The following PARP4 variants were observed in gnomAD, a reference collection of about 807,000 sequenced individuals.
PARP4 encodes poly(ADP-ribose) polymerase family member 4, also known as protein mono-ADP-ribosyltransferase PARP4.
In PARP4, 120 loss-of-function variants were observed where a neutral mutation model predicts 187.7. The ratio of observed to expected loss-of-function variants is 0.64; its 90% CI spans 0.55 to 0.74. The LOEUF (loss-of-function observed/expected upper bound fraction) is 0.74. PARP4 is among the 30% of genes least tolerant of loss of function. PARP4 has a pLI of 0.00. For synonymous variants in PARP4, 654 were observed against 740.9 expected (o/e 0.88, Z 1.90); for missense variants, 1,836 against 2,070.5 (o/e 0.89, Z 2.20).
intron 1 of PARP4, among the ~76,000 whole-genome samples, chr13:24,509,534 A>C (rs147004932): frequency 1.3e-5 from 2 of 151,948 alleles, no homozygotes; most frequent in East Asian, 3.9e-4. Context: ...AAATTACTAA[A>C]TTGTACAATT....
Position 24,459,107 on chromosome 13 carries a change from C to T in PARP4, c.2361G>A (p.Met787Ile), listed in dbSNP as rs1002922572. Residue 787 changes from methionine to isoleucine, a missense_variant, in exon 20 of 34, where the codon ATG becomes ATA. Coordinates refer to ENST00000381989, the MANE Select transcript of PARP4 (RefSeq NM_006437.4). ...IGTKQSFSLT[M>I]SIEMPYVIEF... ...CAATCACATACGGCATCTCAATAGA[C>T]ATAGTCAAAGAGAAGCTAGCAAAAA... 1.2e-6 allele frequency: 2 copies of T among 1,608,280 alleles called. No individual in the cohort carries two copies. The highest frequency in any genetic ancestry group is 1.7e-6 in the Non-Finnish European group (2 of 1,176,252).
In PARP4 at chr13:24,500,393, A is replaced by G; in HGVS notation, c.335-11T>C. The G allele has an allele frequency of 6.3e-7, 1 of 1,580,916 alleles. No individual in the cohort carries two copies. Among genetic ancestry groups the G allele is most frequent in the Non-Finnish European group, 8.6e-7 (1 of 1,156,204 alleles). ...CTTCTGTTTTCACTTCTAGAATTAA[A>G]AGCAAACAGCACACTTGTTTACTGC... On this transcript the variant is annotated splice_polypyrimidine_tract_variant and intron_variant, in intron 3 of 33. Transcript: ENST00000381989.
intron 9 of PARP4, 55 bp downstream of exon 9, chr13:24,492,366 C>T (rs1278703764): frequency 1.6e-6 from 2 of 1,237,290 alleles, no homozygotes; most frequent in Non-Finnish European, 2.3e-6. Context: ...TTTCTAAAGA[C>T]CCCCACCCTC....
chr13:24,456,752 T>A (rs1871877665), intron 20 of PARP4, among the ~76,000 whole-genome samples: 1 of 151,868 alleles, frequency 6.6e-6, no homozygotes, highest in African/African-American at 2.4e-5. Flanking sequence ...TACAAAAAAT[T>A]AGCTGGGCGT....
chr13:24,507,066 T>C (rs1156775882), intron 1 of PARP4, among the ~76,000 whole-genome samples: 2 of 151,882 alleles, frequency 1.3e-5, no homozygotes, highest in Non-Finnish European at 2.9e-5. Flanking sequence ...AGCCCCTCAC[T>C]GTCCGGGGCC....
intron 31 of PARP4, among the ~76,000 whole-genome samples, chr13:24,433,684 T>C (rs1870459320): frequency 6.6e-6 from 1 of 152,148 alleles, no homozygotes; most frequent in Admixed American, 6.5e-5. Context: ...CTCTGTGAAG[T>C]AGACACTATC....
At chr13:24,482,309 A>G (rs1212975636) in intron 12 of PARP4, among the ~76,000 whole-genome samples, 1 of 152,182 alleles carries the variant, frequency 6.6e-6, no homozygotes, top group Non-Finnish European at 1.5e-5. Context: ...AGGATTTTGA[A>G]TATCACATAA....
intron 20 of PARP4, 33 bp downstream of exon 20, chr13:24,459,011 T>A (rs1872041275): frequency 7.1e-7 from 1 of 1,417,154 alleles, no homozygotes; most frequent in African/African-American, 1.4e-5. Flanking sequence ...AGTGTTAAAA[T>A]AACAGCTCTT....
chr13:24,465,701 C>T (rs1262746317), intron 17 of PARP4, among the ~76,000 whole-genome samples: 1 of 151,840 alleles, frequency 6.6e-6, no homozygotes, highest in Non-Finnish European at 1.5e-5. Flanking sequence ...TTGATAGGTG[C>T]AGCAAACCAC....
At chr13:24,506,295 G>A (rs898234163) in intron 1 of PARP4, among the ~76,000 whole-genome samples, 1 of 152,164 alleles carries the variant, frequency 6.6e-6, no homozygotes, top group African/African-American at 2.4e-5. Flanking sequence ...CAGGAGTGAA[G>A]CTGCAGACCT....
At chr13:24,485,919 A>G (rs2137522871) in intron 11 of PARP4, among the ~76,000 whole-genome samples, 1 of 152,264 alleles carries the variant, frequency 6.6e-6, no homozygotes, top group South Asian at 2.1e-4. Context: ...CCTGGCCTCA[A>G]GTGATCCTTC....
chr13:24,499,968 A>C (rs1869180376), intron 4 of PARP4, among the ~76,000 whole-genome samples: 1 of 152,154 alleles, frequency 6.6e-6, no homozygotes, highest in African/African-American at 2.4e-5. Flanking sequence ...CATTTTTGAA[A>C]ACATCAGGCA....
chr13:24,500,793 T>G (rs982789974), intron 3 of PARP4, among the ~76,000 whole-genome samples: 4 of 152,214 alleles, frequency 2.6e-5, no homozygotes, highest in Admixed American at 2.6e-4. Flanking sequence ...TGCTTCATAC[T>G]TTCTGTACAG....
At chr13:24,468,021 G>C (rs376836124) in intron 17 of PARP4, among the ~76,000 whole-genome samples, 3 of 152,018 alleles carry the variant, frequency 2.0e-5, no homozygotes, top group African/African-American at 4.8e-5. Flanking sequence ...TATTAATCTT[G>C]AATGTGCCCC....
At chr13:24,461,166 T>C (rs757364428) in intron 17 of PARP4, among the ~76,000 whole-genome samples, 1 of 152,132 alleles carries the variant, frequency 6.6e-6, no homozygotes, top group Non-Finnish European at 1.5e-5. Flanking sequence ...ATCATGAAAA[T>C]TTTGTATATT....
At chr13:24,438,662 CGTGGCT>C (rs1380082001) in intron 30 of PARP4, among the ~76,000 whole-genome samples, 7 of 152,190 alleles carry the variant, frequency 4.6e-5, no homozygotes, top group Non-Finnish European at 8.8e-5. Flanking sequence ...TAAGCCCAGG[CGTGGCT>C]GTGGGAGGAC....
chr13:24,456,403 C>T lies in PARP4; in HGVS notation c.2500G>A (p.Gly834Ser), dbSNP rs779291142. The change falls in exon 21 of 34, where the codon GGT (glycine) becomes AGT (serine). Residue 834 changes from glycine to serine, a missense_variant. By Grantham distance (56) the Gly-to-Ser change is moderately conservative. Transcript: ENST00000381989. The stretch of plus-strand genomic sequence containing the variant: ...CTTGGGAGATAGGCAGCAGACAAAC[C>T]GATGTGGAGAGAAAATCCACTGCTG... ...LDSSGFSLHI[G>S]LSAAYLPRMW... 20 of 1,612,024 alleles carry T rather than the reference C, an allele frequency of 1.2e-5. No homozygotes were observed. Among genetic ancestry groups the T allele is most frequent in the African/African-American group, 5.3e-5 (4 of 74,874 alleles).
rs759202040 is a variant in PARP4 at position 24,460,001 on chromosome 13, G to A, written c.2269C>T (p.Gln757Ter). The change falls in exon 18 of 34, where the codon CAG (glutamine) becomes TAG (stop). Residue 757 changes from glutamine (Q) to a stop codon, truncating the protein, a stop_gained. Coordinates refer to ENST00000381989, the MANE Select transcript of PARP4 (RefSeq NM_006437.4). LOFTEE classifies it high-confidence loss of function. The stretch of plus-strand genomic sequence containing the variant: ...AGGTTTTCATTCAAAGCCTTGTCCT[G>A]TTGCCAGGGTGCTACGGTGGCGGGC... Reference protein sequence around the residue: ...FMPATVAPWQQDKALNENLQD... With the variant: ...FMPATVAPWQ 3.1e-6 allele frequency: 5 copies of A among 1,613,910 alleles called. No homozygotes were observed. Among genetic ancestry groups the A allele is most frequent in the East Asian group, 2.2e-5 (1 of 44,890 alleles).
chr13:24,466,384 G>A (rs1872473008), intron 17 of PARP4, among the ~76,000 whole-genome samples: 1 of 151,908 alleles, frequency 6.6e-6, no homozygotes, highest in Non-Finnish European at 1.5e-5. Context: ...GTTTCACCAT[G>A]TTGCCCAAGG....
Sources: allele counts gnomAD v4.1 joint callset (sites outside exome capture counted in the v4.1 genomes callset), GRCh38; gene constraint gnomAD v4.1.1; transcripts MANE v1.5; gene names NCBI Gene and HGNC (gene_info 2026-07-23, HGNC 2026-07-21).